ERAP2: variants seen among roughly 807,000 people sequenced by gnomAD.
ERAP2 encodes the protein endoplasmic reticulum aminopeptidase 2.
A neutral mutation model predicts 111.1 loss-of-function variants in ERAP2; 118 were observed. The ratio of observed to expected loss-of-function variants is 1.06; its 90% confidence interval spans 0.92 to 1.24. The LOEUF (loss-of-function observed/expected upper bound fraction) is 1.24. Ranked by LOEUF, ERAP2 falls within the 50% of genes most tolerant of loss-of-function variation. The pLI is 0.00. For missense variants in ERAP2, 1,131 were observed against 1,125.8 expected (o/e 1.00, Z -0.07); for synonymous variants, 410 against 401.2 (o/e 1.02, Z -0.26).
Position 96,918,477 on chromosome 5 carries a change from G to C in ERAP2, c.*872G>C, listed in dbSNP as rs920658175. The C allele has an allele frequency of 3.9e-5, 6 of 152,190 alleles. No individual in the cohort carries two copies. Among genetic ancestry groups the C allele is most frequent in the Non-Finnish European group, 8.8e-5 (6 of 68,042 alleles). 9.4% of individuals were successfully genotyped at this position (152,190 alleles called of 1,614,324 possible). On this transcript the variant is annotated 3_prime_UTR_variant, in exon 19 of 19. Coordinates refer to ENST00000437043, the MANE Select transcript of ERAP2 (RefSeq NM_022350.5). ...CAAGAAGGCCAGGAAGGCCTTTTGGGTTAAGCCTTACATTCATGAAGAACC... is the reference window on the plus strand; with the variant it reads ...CAAGAAGGCCAGGAAGGCCTTTTGGCTTAAGCCTTACATTCATGAAGAACC...
intron 17 of ERAP2, among the ~76,000 whole-genome samples, chr5:96,913,710 G>C (rs937335390): frequency 6.6e-6 from 1 of 152,182 alleles, no homozygotes; most frequent in Non-Finnish European, 1.5e-5. Context: ...CATCAAGTCC[G>C]AGTTGAATTA....
rs1263290398 is a variant in ERAP2 at position 96,917,444 on chromosome 5, T to G, written c.2740-18T>G. Reference sequence around the variant, plus strand: ...CCAAGACAAAGTGTTAGTAATTTTTTTCTTCAATATTTTACAGGTGAAACT... The same window carrying G: ...CCAAGACAAAGTGTTAGTAATTTTTGTCTTCAATATTTTACAGGTGAAACT... On this transcript the variant is annotated intron_variant, in intron 18 of 18. Coordinates refer to ENST00000437043, the MANE Select transcript of ERAP2 (RefSeq NM_022350.5). 2 of 1,606,298 alleles carry G rather than the reference T, an allele frequency of 1.2e-6. No individual in the cohort carries two copies. Among genetic ancestry groups the G allele is most frequent in the Non-Finnish European group, 1.7e-6 (2 of 1,176,364 alleles).
Position 96,879,801 on chromosome 5 carries a change from C to G in ERAP2, c.116C>G (p.Ser39Ter), listed in dbSNP as rs765081459. The G allele has an allele frequency of 4.3e-5, 69 of 1,614,082 alleles. No individual in the cohort carries two copies. Among genetic ancestry groups the G allele is most frequent in the Non-Finnish European group, 5.8e-5 (68 of 1,180,040 alleles). Residue 39 changes from serine to a stop codon, truncating the protein, a stop_gained, in exon 2 of 19, where the codon TCA (serine) becomes TGA (stop). Coordinates refer to ENST00000437043, the MANE Select transcript of ERAP2 (RefSeq NM_022350.5). LOFTEE classifies it high-confidence loss of function. ...LPQICICSQF[S>*]VPSSYHFTED... ...CAAATATGCATTTGTTCTCAGTTCT[C>G]AGTGCCATCTAGTTATCACTTCACT...
chr5:96,887,097 A>ATG (rs1783821667), intron 4 of ERAP2, among the ~76,000 whole-genome samples: 1 of 102,418 alleles, frequency 9.8e-6, no homozygotes, highest in Non-Finnish European at 2.0e-5. Context: ...ATATATATAT[A>ATG]TATACACACA....
At chr5:96,887,447 C>T (rs1303926035) in intron 4 of ERAP2, among the ~76,000 whole-genome samples, 1 of 151,932 alleles carries the variant, frequency 6.6e-6, no homozygotes, top group Non-Finnish European at 1.5e-5. Flanking sequence ...ACTACAAACA[C>T]AGGCCATCAT....
At chr5:96,879,007 G>A (rs1429046731) in intron 1 of ERAP2, among the ~76,000 whole-genome samples, 1 of 152,096 alleles carries the variant, frequency 6.6e-6, no homozygotes, top group Non-Finnish European at 1.5e-5. Context: ...TGGGAGGATT[G>A]CTTGAGTTTA....
intron 13 of ERAP2, among the ~76,000 whole-genome samples, chr5:96,907,598 C>A (rs1434875720): frequency 6.7e-6 from 1 of 150,244 alleles, no homozygotes. Flanking sequence ...ATACGGCAGA[C>A]TAGCCGGGCC....
At chr5:96,915,801 A>C in intron 18 of ERAP2, 32 bp downstream of exon 18, 1 of 1,479,984 alleles carries the variant, frequency 6.8e-7, no homozygotes, top group Non-Finnish European at 9.3e-7. Flanking sequence ...ACAATTTCAA[A>C]ATAAATGTTC....
intron 13 of ERAP2, among the ~76,000 whole-genome samples, chr5:96,906,260 CTCT>C (rs1304578336): frequency 1.3e-5 from 2 of 151,366 alleles, no homozygotes; most frequent in Non-Finnish European, 2.9e-5. Context: ...CTACTTCTTC[CTCT>C]TCTTCTTCTT....
intron 17 of ERAP2, among the ~76,000 whole-genome samples, chr5:96,914,590 A>G (rs962106953): frequency 6.6e-6 from 1 of 152,258 alleles, no homozygotes; most frequent in Non-Finnish European, 1.5e-5. Context: ...TAAACAGGAA[A>G]TGATGCCCCT....
intron 2 of ERAP2, among the ~76,000 whole-genome samples, chr5:96,883,370 A>G (rs1783358476): frequency 6.6e-6 from 1 of 152,204 alleles, no homozygotes; most frequent in South Asian, 2.1e-4. Context: ...TCACTCATGT[A>G]CACAATTACT....
In ERAP2 at chr5:96,915,710, A is replaced by G; in HGVS notation, c.2680A>G (p.Ile894Val). ...LKKFDLGSYDIRMIISGTTAH... is the reference protein window; with the variant it reads ...LKKFDLGSYDVRMIISGTTAH... ...CAGATTTGACTTGGGCTCATATGAC[A>G]TAAGGATGATCATCTCTGGCACAAC... is the stretch of plus-strand genomic sequence containing the variant. The change falls in exon 18 of 19, where the codon ATA becomes GTA. Residue 894 changes from isoleucine to valine, a missense_variant. Physicochemically the swap from Ile to Val is conservative, Grantham distance 29 (BLOSUM62 3). This residue lies in a region of ERAP2 where 279 missense variants were observed against 250.9 expected (regional missense o/e 1.11). Coordinates refer to ENST00000437043, the MANE Select transcript of ERAP2 (RefSeq NM_022350.5). 1 of 1,593,558 alleles carries G rather than the reference A, an allele frequency of 6.3e-7. No individual in the cohort carries two copies. Among genetic ancestry groups the G allele is most frequent in the Admixed American group, 1.8e-5 (1 of 56,708 alleles).
At chr5:96,896,965 T>TAAG (rs1234064734) in intron 9 of ERAP2, 102 bp downstream of exon 9, 12,028 of 978,466 alleles carry the variant, frequency 0.012, 62 homozygotes, top group Non-Finnish European at 0.014. Context: ...GTCAACCATA[T>TAAG]TTATTCTGCT....
intron 18 of ERAP2, among the ~76,000 whole-genome samples, chr5:96,916,272 C>T (rs1298437704): frequency 6.6e-6 from 1 of 151,480 alleles, no homozygotes; most frequent in Non-Finnish European, 1.5e-5. Flanking sequence ...AAAAAAAGCC[C>T]CTGACTCTTA....
At chr5:96,903,602 T>G in intron 13 of ERAP2, 42 bp downstream of exon 13, 2 of 1,526,266 alleles carry the variant, frequency 1.3e-6, no homozygotes, top group South Asian at 2.5e-5. Flanking sequence ...AATAACTGAT[T>G]CGTAACCAGA....
intron 13 of ERAP2, among the ~76,000 whole-genome samples, chr5:96,908,552 C>T (rs1158057746): frequency 1.3e-5 from 2 of 152,120 alleles, no homozygotes; most frequent in Non-Finnish European, 1.5e-5. Context: ...CAAGTCAAAC[C>T]CACACATGAA....
At chr5:96,909,924 T>C (rs1271928977) in intron 15 of ERAP2, 160 bp downstream of exon 15, 1 of 643,614 alleles carries the variant, frequency 1.6e-6, no homozygotes. Context: ...GTAAGTGCTA[T>C]GTATGGAGAC....
intron 9 of ERAP2, among the ~76,000 whole-genome samples, chr5:96,897,634 T>C (rs1785002081): frequency 6.6e-6 from 1 of 152,190 alleles, no homozygotes; most frequent in Non-Finnish European, 1.5e-5. Flanking sequence ...TTATGGTCTG[T>C]CTTTGGGATT....
rs751455864 is a variant in ERAP2, at chr5:96,909,734, C to T, written c.2324C>T (p.Ser775Phe). 5 of 1,614,020 alleles carry T rather than the reference C, an allele frequency of 3.1e-6. No individual in the cohort carries two copies. In the African/African-American group the frequency reaches 5.3e-5, roughly 17 times the overall value. Reference sequence around the variant, plus strand: ...ATCCAGAAAGCTGCTGAACTCTTCTCCCAGTGGATGGAATCCAGTGGAAAA... The same window carrying T: ...ATCCAGAAAGCTGCTGAACTCTTCTTCCAGTGGATGGAATCCAGTGGAAAA... ...PCIQKAAELF[S>F]QWMESSGKLN... The change falls in exon 15 of 19, where the codon TCC (serine) becomes TTC (phenylalanine). Residue 775 changes from serine to phenylalanine, a missense_variant. By Grantham distance (155) the Ser-to-Phe change is radical. Around this residue, in one of 3 missense-constraint regions of ERAP2, gnomAD observed 279 missense variants for 250.9 expected, o/e 1.11. Coordinates refer to ENST00000437043, the MANE Select transcript of ERAP2 (RefSeq NM_022350.5).
Sources: gnomAD v4.1 joint callset for allele counts (sites outside exome capture counted in the v4.1 genomes callset) on GRCh38, gnomAD v4.1.1 for gene constraint, gnomAD v4.1.1 regional missense constraint, MANE v1.5 for transcripts, NCBI Gene and HGNC (gene_info 2026-07-23, HGNC 2026-07-21) for gene names.